The following ANLN variants were observed in gnomAD, a reference collection of about 807,000 sequenced individuals.
ANLN encodes the protein anillin.
In ANLN, 59 loss-of-function variants were observed where a neutral mutation model predicts 135.1. The ratio of observed to expected loss-of-function variants is 0.44; its 90% CI spans 0.35 to 0.54. ANLN has a LOEUF of 0.54. Among genes scored for constraint, ANLN ranks in the 20% least tolerant of loss-of-function variants. ANLN has a pLI of 0.00. For synonymous variants in ANLN, 406 were observed against 456.4 expected, an observed-to-expected ratio of 0.89 and a Z score of 1.41; for missense variants, 1,182 against 1,340.0, an observed-to-expected ratio of 0.88 and a Z score of 1.84.
intron 1 of ANLN, among the ~76,000 whole-genome samples, chr7:36,393,559 A>G (rs197359): frequency 0.77 from 117,469 of 152,108 alleles, 45,834 homozygotes; most frequent in South Asian, 0.85. Flanking sequence ...GTGCAGTTAC[A>G]TGCATCCCAT....
intron 3 of ANLN, among the ~76,000 whole-genome samples, chr7:36,400,619 T>A (rs1300273876): frequency 6.6e-6 from 1 of 150,514 alleles, no homozygotes; most frequent in Non-Finnish European, 1.5e-5. Context: ...CGCCTTGGCC[T>A]CCCAAGTGTT....
intron 22 of ANLN, among the ~76,000 whole-genome samples, chr7:36,447,271 CCTT>C (rs886136154): frequency 5.3e-5 from 8 of 152,012 alleles, no homozygotes; most frequent in Admixed American, 1.3e-4. Flanking sequence ...TTTTTTCTCT[CCTT>C]ATTAAGTTGA....
chr7:36,443,761 T>A lies in ANLN; in HGVS notation c.2977T>A (p.Phe993Ile), dbSNP rs753041654. ...TTTCAACTGACTTTTCCAGACCATA[T>A]TTGAAGATGTTAGTGGTTTTGGTGC... ...SVEERGFLTI[F>I]EDVSGFGAWH... Residue 993 changes from phenylalanine to isoleucine, a missense_variant, in exon 22 of 24, where the codon TTT (phenylalanine) becomes ATT (isoleucine). Transcript: ENST00000265748. The A allele has an allele frequency of 6.2e-7, 1 of 1,609,734 alleles. No individual in the cohort carries two copies. The highest frequency in any genetic ancestry group is 1.7e-5 in the Admixed American group (1 of 59,770).
chr7:36,407,576 A>G, intron 4 of ANLN, 158 bp from the exon 5 acceptor site: 1 of 601,118 alleles, frequency 1.7e-6, no homozygotes, highest in South Asian at 2.2e-5. Flanking sequence ...TTTTTCCCAA[A>G]TCTTTCAAAT....
Position 36,422,727 on chromosome 7 carries a change from G to A in ANLN, c.2394G>A (p.Met798Ile). The A allele has an allele frequency of 6.2e-7, 1 of 1,613,656 alleles. No homozygotes were observed. Among genetic ancestry groups the A allele is most frequent in the Non-Finnish European group, 8.5e-7 (1 of 1,179,830 alleles). ...KNKASPQSEF[M>I]PSKGSVTLSE... ...AGGCTAGTCCCCAAAGTGAATTTAT[G>A]CCATCCAAAGGATCAGTTACTTTGT... The change falls in exon 14 of 24, where the codon ATG (methionine) becomes ATA (isoleucine). Residue 798 changes from methionine (M) to isoleucine (I), a missense_variant. Transcript: ENST00000265748.
At chr7:36,424,943 G>A (rs1788020226) in intron 17 of ANLN, among the ~76,000 whole-genome samples, 1 of 152,116 alleles carries the variant, frequency 6.6e-6, no homozygotes, top group South Asian at 2.1e-4. Context: ...ATAAGTTCCT[G>A]ATACACTCGG....
intron 12 of ANLN, among the ~76,000 whole-genome samples, chr7:36,421,119 T>C (rs1039857974): frequency 2.6e-5 from 4 of 152,026 alleles, no homozygotes; most frequent in African/African-American, 7.2e-5. Flanking sequence ...CCAAGTTAGA[T>C]TGTAATGGCG....
chr7:36,440,793 A>AACACACAG (rs1788739476), intron 21 of ANLN, among the ~76,000 whole-genome samples: 1 of 152,206 alleles, frequency 6.6e-6, no homozygotes, highest in Admixed American at 6.5e-5. Flanking sequence ...CAGAGGAGGA[A>AACACACAG]AGTATGTGTG....
Position 36,393,745 on chromosome 7 carries a change from T to G in ANLN, c.19-2521T>G, listed in dbSNP as rs148180477. Among the ~76,000 whole-genome samples, 164 of 152,330 alleles carry G rather than the reference T, an allele frequency of 1.1e-3. 1 individual carries two copies. The highest frequency in any genetic ancestry group is 3.6e-3 in the African/African-American group (149 of 41,578). On this transcript the variant is annotated intron_variant, in intron 1 of 23. Coordinates refer to ENST00000265748, the MANE Select transcript of ANLN (RefSeq NM_018685.5). Reference sequence around the variant, plus strand: ...TAGATTTATTGAAATCAATCTCTTGTCCAATTAAAGCTGTAGCTGTAGCTT... The same window carrying G: ...TAGATTTATTGAAATCAATCTCTTGGCCAATTAAAGCTGTAGCTGTAGCTT...
intron 7 of ANLN, among the ~76,000 whole-genome samples, chr7:36,413,470 T>C (rs1012451521): frequency 3.3e-5 from 5 of 152,226 alleles, no homozygotes; most frequent in Admixed American, 2.6e-4. Flanking sequence ...CAGTGTATCA[T>C]ATTCTCATGG....
chr7:36,450,625 C>G (rs1007668076), intron 23 of ANLN, among the ~76,000 whole-genome samples: 1 of 152,118 alleles, frequency 6.6e-6, no homozygotes, highest in Non-Finnish European at 1.5e-5. Context: ...ATAGAGGACT[C>G]ATTTGATGGA....
rs1172904728 is a variant in ANLN at position 36,396,353 on chromosome 7, C to T, written c.106C>T (p.His36Tyr). 13 of 1,607,992 alleles carry T rather than the reference C, an allele frequency of 8.1e-6. No individual in the cohort carries two copies. The highest frequency in any genetic ancestry group is 9.4e-6 in the Non-Finnish European group (11 of 1,175,510). ...RPTAAPRSMT[H>Y]AKRARQPLSE... ...CACAGCAGCTCCAAGGTCTATGACT[C>T]ATGCTAAGCGAGCTAGACAGCCACT... The change falls in exon 2 of 24, where the codon CAT becomes TAT. Residue 36 changes from histidine (H) to tyrosine (Y), a missense_variant. His to Tyr is a moderately conservative substitution (Grantham distance 83, BLOSUM62 2). Transcript: ENST00000265748.
At chr7:36,392,513 G>GTT (rs55732261) in intron 1 of ANLN, among the ~76,000 whole-genome samples, 19,863 of 140,400 alleles carry the variant, frequency 0.14, 1,724 homozygotes, top group Admixed American at 0.19. Context: ...TATTGCAGTG[G>GTT]TTTTTTTTTT....
At chr7:36,417,596 T>C (rs1458498438) in intron 9 of ANLN, among the ~76,000 whole-genome samples, 1 of 151,916 alleles carries the variant, frequency 6.6e-6, no homozygotes, top group East Asian at 1.9e-4. Flanking sequence ...ATCCCACAGG[T>C]TGGGGACTCA....
At chr7:36,411,615 A>G (rs570877046) in intron 7 of ANLN, among the ~76,000 whole-genome samples, 5 of 152,208 alleles carry the variant, frequency 3.3e-5, no homozygotes, top group Non-Finnish European at 7.3e-5. Flanking sequence ...TCAGCCTTCA[A>G]CAAAATCTCT....
chr7:36,417,018 C>A, intron 8 of ANLN, 62 bp from the exon 9 acceptor site: 1 of 873,446 alleles, frequency 1.1e-6, no homozygotes, highest in Non-Finnish European at 1.7e-6. Flanking sequence ...ACACAAGATT[C>A]CATAATTAGA....
Position 36,452,879 on chromosome 7 carries a change from G to C in ANLN, c.*279G>C, listed in dbSNP as rs1789304126. 4.6e-6 allele frequency: 1 copy of C among 215,144 alleles called. No homozygotes were observed. Among genetic ancestry groups the C allele is most frequent in the East Asian group, 1.0e-4 (1 of 9,620 alleles). The allele number at this position is 215,144 out of a possible 1,614,324, so 13.3% of individuals were successfully genotyped here. On this transcript the variant is annotated 3_prime_UTR_variant, in exon 24 of 24. Coordinates refer to ENST00000265748, the MANE Select transcript of ANLN (RefSeq NM_018685.5). Reference sequence around the variant, plus strand: ...GAAATCTAATTATTCAGTTATTCATGACAATATTTTTTTAAAAGTAAGAAA... The same window carrying C: ...GAAATCTAATTATTCAGTTATTCATCACAATATTTTTTTAAAAGTAAGAAA...
chr7:36,442,641 T>C (rs1292479861), intron 21 of ANLN, among the ~76,000 whole-genome samples: 1 of 151,940 alleles, frequency 6.6e-6, no homozygotes, highest in Non-Finnish European at 1.5e-5. Context: ...TATTTTTATA[T>C]ATTTTTTTGA....
At chr7:36,391,594 G>A (rs753915274) in intron 1 of ANLN, among the ~76,000 whole-genome samples, 32 of 152,008 alleles carry the variant, frequency 2.1e-4, no homozygotes, top group Non-Finnish European at 4.1e-4. Context: ...CCAACTCTTG[G>A]GTGCTTAATT....
Sources: allele counts gnomAD v4.1 joint callset (sites outside exome capture counted in the v4.1 genomes callset), GRCh38; gene constraint gnomAD v4.1.1; transcripts MANE v1.5; gene names NCBI Gene and HGNC (gene_info 2026-07-23, HGNC 2026-07-21).